KIAA0513: variants seen among roughly 807,000 people sequenced by gnomAD.
KIAA0513 encodes KIAA0513, also known as uncharacterized protein KIAA0513.
Under a neutral mutation model 56.5 loss-of-function variants are expected in KIAA0513, and 39 were observed. The ratio of observed to expected loss-of-function variants is 0.69; its 90% confidence interval spans 0.53 to 0.90. KIAA0513 has a LOEUF of 0.90. KIAA0513 is among the 40% of genes least tolerant of loss of function. The pLI is 0.00. For missense variants in KIAA0513, 591 were observed against 535.2 expected (o/e 1.10, Z -1.03); for synonymous variants, 268 against 215.6 (o/e 1.24, Z -2.13).
intron 8 of KIAA0513, among the ~76,000 whole-genome samples, chr16:85,080,822 A>G (rs1411999118): frequency 6.6e-6 from 1 of 152,152 alleles, no homozygotes; most frequent in African/African-American, 2.4e-5. Flanking sequence ...ATAAAATAAG[A>G]ATGTTTTTTT....
rs878948674 is a variant in KIAA0513, at chr16:85,067,189, G to A, written c.118G>A (p.Asp40Asn). ...VLQDGDGSLG[D>N]GASESETTES... ...GCAGGACGGCGATGGCTCCCTGGGG[G>A]ACGGTGCATCAGAGAGTGAGACCAC... Residue 40 changes from aspartate (D) to asparagine (N), a missense_variant, in exon 2 of 13, where the codon GAC (aspartate) becomes AAC (asparagine). By Grantham distance (23) the Asp-to-Asn change is conservative (BLOSUM62 1). Coordinates refer to ENST00000683363, the MANE Select transcript of KIAA0513 (RefSeq NM_001388359.1). 9 of 1,614,198 alleles carry A rather than the reference G, an allele frequency of 5.6e-6. No homozygotes were observed. The highest frequency in any genetic ancestry group is 1.6e-4 in the Middle Eastern group (1 of 6,062).
At position 85,076,879 on chromosome 16, in the gene KIAA0513, G is replaced by C. The variant is rs562033109; in HGVS notation, c.575-546G>C. ...ACCCACAGCAGCTTCAGCTAGCGAG[G>C]ACACCCCACTGGGACCTGCAGAGGG... On this transcript the variant is annotated intron_variant, in intron 5 of 12. Transcript: ENST00000683363. The surrounding 1 kb of genome is among the most constrained non-coding windows in gnomAD (Gnocchi z 4.7). Among the ~76,000 whole-genome samples, 25 of 152,234 alleles carry C rather than the reference G, an allele frequency of 1.6e-4. No homozygotes were observed. Among genetic ancestry groups the C allele is most frequent in the Non-Finnish European group, 3.4e-4 (23 of 68,032 alleles).
chr16:85,052,571 G>C (rs2073269280), intron 1 of KIAA0513, among the ~76,000 whole-genome samples: 1 of 152,170 alleles, frequency 6.6e-6, no homozygotes, highest in Non-Finnish European at 1.5e-5. Context: ...GGGTTTCTTT[G>C]GGCTTAAGGT....
At position 85,076,675 on chromosome 16, in the gene KIAA0513, C is replaced by T. The variant is rs2073660872; in HGVS notation, c.575-750C>T. Among the ~76,000 whole-genome samples the T allele has an allele frequency of 6.6e-6, 1 of 152,192 alleles. No individual in the cohort carries two copies. Among genetic ancestry groups the T allele is most frequent in the Non-Finnish European group, 1.5e-5 (1 of 68,030 alleles). ...GCCATCCTCTCCGCACCCCTCAGTT[C>T]AGTTGGTCCAACTGCCATGGCTGGT... On this transcript the variant is annotated intron_variant, in intron 5 of 12. Transcript: ENST00000683363. This position sits in a 1 kb window ranked among gnomAD's most constrained non-coding sequence, Gnocchi z 4.7.
chr16:85,050,569 G>C (rs1232890514), intron 1 of KIAA0513, among the ~76,000 whole-genome samples: 2 of 152,136 alleles, frequency 1.3e-5, no homozygotes, highest in East Asian at 3.9e-4. Context: ...CCCTGCCTCG[G>C]CTTCCCAAAG....
At chr16:85,066,272 G>A (rs1458735594) in intron 1 of KIAA0513, among the ~76,000 whole-genome samples, 1 of 152,188 alleles carries the variant, frequency 6.6e-6, no homozygotes, top group East Asian at 1.9e-4. Flanking sequence ...ATGGAGAAGG[G>A]AGAGGGCTGC....
chr16:85,080,406 G>A lies in KIAA0513; in HGVS notation c.903-909G>A, dbSNP rs116423747. 5.2e-3 allele frequency among the ~76,000 whole-genome samples: 787 copies of A among 152,304 alleles called. 5 individuals are homozygous for A. Among genetic ancestry groups the A allele is most frequent in the African/African-American group, 0.018 (731 of 41,542 alleles). ...AGAGACGTTGTATAAATGGATGAGC[G>A]TGGCTTGTTCCAATAAAACTTTATT... is the stretch of plus-strand genomic sequence containing the variant. On this transcript the variant is annotated intron_variant, in intron 8 of 12. Transcript: ENST00000683363.
chr16:85,059,241 G>A (rs1001025125), intron 1 of KIAA0513, among the ~76,000 whole-genome samples: 6 of 141,640 alleles, frequency 4.2e-5, no homozygotes, highest in East Asian at 1.9e-4. Context: ...AGCTAGTAAT[G>A]TGCGTCTTGC....
In KIAA0513 at chr16:85,077,746, C is replaced by G. The variant is rs1278593812; in HGVS notation, c.782+114C>G. The G allele has an allele frequency of 7.9e-5, 60 of 758,236 alleles. No homozygotes were observed. The East Asian group carries it at 1.5e-3, about 19-fold the overall frequency. 47.0% of individuals were successfully genotyped at this position (758,236 alleles called of 1,614,324 possible). A position where few individuals can be genotyped will look rare whatever the true frequency, so the allele number is the denominator to read the frequency against. On this transcript the variant is annotated intron_variant, in intron 6 of 12. Transcript: ENST00000683363. The stretch of plus-strand genomic sequence containing the variant: ...GGTGAGGCCCAGAGACTGTCAGGAA[C>G]ACTGCGCTGCCCAGCCACTTCTGCC...
At chr16:85,040,477 C>A (rs2143863838) in intron 1 of KIAA0513, among the ~76,000 whole-genome samples, 1 of 152,216 alleles carries the variant, frequency 6.6e-6, no homozygotes, top group South Asian at 2.1e-4. Flanking sequence ...TTGCGGTGAG[C>A]TGAGATCGCA....
intron 1 of KIAA0513, among the ~76,000 whole-genome samples, chr16:85,061,089 G>T (rs909151507): frequency 6.6e-6 from 1 of 151,514 alleles, no homozygotes; most frequent in African/African-American, 2.4e-5. Flanking sequence ...GGAGGCGGAG[G>T]TAGTAGTGAG....
chr16:85,051,194 T>C (rs1267434533), intron 1 of KIAA0513, among the ~76,000 whole-genome samples: 1 of 152,120 alleles, frequency 6.6e-6, no homozygotes, highest in African/African-American at 2.4e-5. Flanking sequence ...AGCCCTAGTT[T>C]TGTGAGGTCG....
chr16:85,065,221 C>G (rs548949285), intron 1 of KIAA0513, among the ~76,000 whole-genome samples: 1 of 152,164 alleles, frequency 6.6e-6, no homozygotes, highest in Non-Finnish European at 1.5e-5. Context: ...GTGGAAGGGC[C>G]TTGGGTTTCT....
rs186441375 is a variant in KIAA0513 at position 85,086,082 on chromosome 16, A to G, written c.1011-562A>G. Reference sequence around the variant, plus strand: ...GGGCACAGCCCTCTGCAGACAGGGGACAGTGTGGCCCTCAGCGCCCTCAGC... The same window carrying G: ...GGGCACAGCCCTCTGCAGACAGGGGGCAGTGTGGCCCTCAGCGCCCTCAGC... On this transcript the variant is annotated intron_variant, in intron 10 of 12. Coordinates refer to ENST00000683363, the MANE Select transcript of KIAA0513 (RefSeq NM_001388359.1). 4.8e-3 allele frequency among the ~76,000 whole-genome samples: 726 copies of G among 152,322 alleles called. 7 individuals are homozygous for G. The highest frequency in any genetic ancestry group is 7.5e-3 in the Non-Finnish European group (509 of 68,026).
chr16:85,059,806 TC>T (rs2073378885), intron 1 of KIAA0513, among the ~76,000 whole-genome samples: 1 of 152,232 alleles, frequency 6.6e-6, no homozygotes, highest in Admixed American at 6.5e-5. Flanking sequence ...ATAACCTATT[TC>T]CCCAAAGTGT....
At chr16:85,085,899 C>T (rs1254600398) in intron 10 of KIAA0513, among the ~76,000 whole-genome samples, 3 of 152,244 alleles carry the variant, frequency 2.0e-5, no homozygotes, top group South Asian at 2.1e-4. Context: ...GTTCTCACGC[C>T]TGGGTGCTGT....
chr16:85,072,477 C>CTT, intron 3 of KIAA0513, among the ~76,000 whole-genome samples: 1 of 145,640 alleles, frequency 6.9e-6, no homozygotes, highest in African/African-American at 2.5e-5. Flanking sequence ...CCAATAGGTT[C>CTT]TTTTTTTTTT....
chr16:85,067,100 C>G lies in KIAA0513; in HGVS notation c.29C>G (p.Ser10Trp). METPEVPVG[S>W]LIDFGPEAPT... ...GAGACCCCAGAGGTCCCCGTGGGCT[C>G]GCTAATCGACTTTGGGCCTGAGGCA... Residue 10 changes from serine to tryptophan, a missense_variant, in exon 2 of 13, where the codon TCG becomes TGG. By Grantham distance (177) the Ser-to-Trp change is radical (BLOSUM62 -3). Coordinates refer to ENST00000683363, the MANE Select transcript of KIAA0513 (RefSeq NM_001388359.1). 6.2e-7 allele frequency: 1 copy of G among 1,600,320 alleles called. No individual in the cohort carries two copies. The highest frequency in any genetic ancestry group is 1.3e-5 in the African/African-American group (1 of 74,870).
At chr16:85,040,258 T>C (rs186870253) in intron 1 of KIAA0513, among the ~76,000 whole-genome samples, 2 of 152,366 alleles carry the variant, frequency 1.3e-5, no homozygotes, top group Admixed American at 1.3e-4. Flanking sequence ...TCGGGGGTGC[T>C]TCTGGCATCT....
Sources: gnomAD v4.1 joint callset for allele counts (sites outside exome capture counted in the v4.1 genomes callset) on GRCh38, gnomAD v4.1.1 for gene constraint, Gnocchi (gnomAD v3.1) non-coding constraint, MANE v1.5 for transcripts, NCBI Gene and HGNC (gene_info 2026-07-23, HGNC 2026-07-21) for gene names.